Variants in KCNC4 observed in about 807,000 individuals in gnomAD.
KCNC4 encodes potassium voltage-gated channel subfamily C member 4.
Under a neutral mutation model 42.8 loss-of-function variants are expected in KCNC4, and 23 were observed. That is an observed-to-expected ratio of 0.54 (90% CI 0.39 to 0.76). The LOEUF (loss-of-function observed/expected upper bound fraction) is 0.76, where lower values mean the gene tolerates loss of function less well. KCNC4 is among the 30% of genes least tolerant of loss of function. The pLI is 0.00. For synonymous variants in KCNC4, 422 were observed against 393.5 expected, an observed-to-expected ratio of 1.07 and a Z score of -0.86; for missense variants, 751 against 898.2, an observed-to-expected ratio of 0.84 and a Z score of 2.10.
downstream of KCNC4, chr1:110,237,684 A>T (rs1329127988): frequency 1.3e-5 from 2 of 152,260 alleles, no homozygotes. Context: ...AGGCAGGTCC[A>T]GAACACAGGT....
chr1:110,262,085 A>C (rs913716278), intron 1 of KCNC4, among the ~76,000 whole-genome samples: 1 of 152,246 alleles, frequency 6.6e-6, no homozygotes, highest in Non-Finnish European at 1.5e-5. Context: ...ATTGGAAACA[A>C]AATTTTCTAC....
In KCNC4 at chr1:110,223,526, G is replaced by A; in HGVS notation, c.1241G>A (p.Gly414Asp). 3 of 1,613,954 alleles carry A rather than the reference G, an allele frequency of 1.9e-6. No homozygotes were observed. Among genetic ancestry groups the A allele is most frequent in the Non-Finnish European group, 2.5e-6 (3 of 1,180,046 alleles). The change falls in exon 2 of 4, where the codon GGT becomes GAT. Residue 414 changes from glycine (G) to aspartate (D), a missense_variant. Coordinates refer to ENST00000438661, the MANE Select transcript of KCNC4 (RefSeq NM_001039574.3). This position sits in a 1 kb window ranked among gnomAD's most constrained non-coding sequence, Gnocchi z 7.5. The stretch of plus-strand genomic sequence containing the variant: ...GGGGCCAGGCCCTCCGACCCTCGGG[G>A]TAATGACCACACCGACTTCAAGAAC... ...RIGARPSDPRGNDHTDFKNIP... is the reference protein window; with the variant it reads ...RIGARPSDPRDNDHTDFKNIP...
At chr1:110,213,873 A>G (rs1438943201) in intron 1 of KCNC4, among the ~76,000 whole-genome samples, 2 of 152,130 alleles carry the variant, frequency 1.3e-5, no homozygotes, top group African/African-American at 2.4e-5. Flanking sequence ...GAGGAGAGAT[A>G]GAGATAGAGA....
chr1:110,212,132 C>T lies in KCNC4; in HGVS notation c.633C>T (p.Arg211=). The T allele has an allele frequency of 6.6e-7, 1 of 1,506,054 alleles. No homozygotes were observed. The highest frequency in any genetic ancestry group is 1.3e-5 in the South Asian group (1 of 77,198). The allele number at this position is 1,506,054 out of a possible 1,614,324, so 93.3% of individuals were successfully genotyped here. A position where few individuals can be genotyped will look rare whatever the true frequency, so the allele number is the denominator to read the frequency against. The part of the protein sequence containing the change: ...GSGGCRGWQP[R]MWALFEDPYS... ...GGGGCTGCCGCGGCTGGCAGCCCCGCATGTGGGCGCTCTTCGAGGATCCCT... is the reference window on the plus strand; with the variant it reads ...GGGGCTGCCGCGGCTGGCAGCCCCGTATGTGGGCGCTCTTCGAGGATCCCT... Residue 211 remains arginine (R), a synonymous_variant, in exon 1 of 4, where the codon CGC becomes CGT. Coordinates refer to ENST00000438661, the MANE Select transcript of KCNC4 (RefSeq NM_001039574.3).
At chr1:110,279,871 T>C (rs1348466417) in intron 1 of KCNC4, among the ~76,000 whole-genome samples, 1 of 143,808 alleles carries the variant, frequency 7.0e-6, no homozygotes, top group Non-Finnish European at 1.5e-5. Context: ...CGATCTCAGC[T>C]CGCTGCAACC....
intron 3 of KCNC4, 176 bp from the exon 4 acceptor site, chr1:110,232,735 C>G: frequency 6.6e-7 from 1 of 1,525,144 alleles, no homozygotes; most frequent in Non-Finnish European, 8.8e-7. Flanking sequence ...TCCAGCTCTG[C>G]TCCTGGTCTA....
chr1:110,211,455 T>A lies in KCNC4; in HGVS notation c.-45T>A, dbSNP rs762669016. 6.4e-7 allele frequency: 1 copy of A among 1,568,146 alleles called. No homozygotes were observed. Among genetic ancestry groups the A allele is most frequent in the South Asian group, 1.2e-5 (1 of 84,986 alleles). ...ACGCTGCCTCCTCGGGAAGGGTGTT[T>A]GGAGGGCAGCGGCCGCCCCAAGCCG... On this transcript the variant is annotated 5_prime_UTR_variant, in exon 1 of 4. Coordinates refer to ENST00000438661, the MANE Select transcript of KCNC4 (RefSeq NM_001039574.3). The surrounding 1 kb of genome is among the most constrained non-coding windows in gnomAD (Gnocchi z 6.5).
At chr1:110,256,892 G>C (rs1659342621) in intron 1 of KCNC4, 1 of 155,870 alleles carries the variant, frequency 6.4e-6, no homozygotes, top group South Asian at 1.8e-4. Flanking sequence ...ATCAGTGTTG[G>C]ATACCAGGTC....
rs764851791 is a variant in KCNC4, at chr1:110,223,099, C to G, written c.814C>G (p.Arg272Gly). Residue 272 changes from arginine to glycine, a missense_variant, in exon 2 of 4, where the codon CGG (arginine) becomes GGG (glycine). Around this residue, in one of 4 missense-constraint regions of KCNC4, gnomAD observed 181 missense variants for 167.3 expected, o/e 1.08. Coordinates refer to ENST00000438661, the MANE Select transcript of KCNC4 (RefSeq NM_001039574.3). This position sits in a 1 kb window ranked among gnomAD's most constrained non-coding sequence, Gnocchi z 7.5. ...RVGNITSVHFRREVETEPILT... is the reference protein window; with the variant it reads ...RVGNITSVHFGREVETEPILT... ...AGGGAACATCACCAGCGTGCACTTC[C>G]GGCGGGAGGTAGAGACAGAGCCCAT... is the stretch of plus-strand genomic sequence containing the variant. 6.2e-7 allele frequency: 1 copy of G among 1,614,168 alleles called. No homozygotes were observed. Among genetic ancestry groups the G allele is most frequent in the Admixed American group, 1.7e-5 (1 of 60,022 alleles).
chr1:110,216,920 A>G (rs1657823338), intron 1 of KCNC4, among the ~76,000 whole-genome samples: 1 of 152,182 alleles, frequency 6.6e-6, no homozygotes. Context: ...TACTGGGCAT[A>G]TACCCTTGTC....
At chr1:110,248,561 T>C (rs1659196897) in exon 4 of KCNC4, 1 of 152,168 alleles carries the variant, frequency 6.6e-6, no homozygotes. Context: ...TTTTAAAAAA[T>C]TATTTTGGCG....
At chr1:110,283,601 T>TA (rs1659865003), downstream of KCNC4, among the ~76,000 whole-genome samples, 1 of 152,198 alleles carries the variant, frequency 6.6e-6, no homozygotes, top group African/African-American at 2.4e-5. Flanking sequence ...TCAGTTGCCC[T>TA]AGGCTTCCTT....
chr1:110,252,630 G>A (rs889781925), downstream of KCNC4, among the ~76,000 whole-genome samples: 3 of 152,114 alleles, frequency 2.0e-5, no homozygotes, highest in South Asian at 2.1e-4. Context: ...CCTGCCTCCC[G>A]AGAATGGCTC....
At position 110,223,862 on chromosome 1, in the gene KCNC4, C is replaced by G. The variant is rs150643950; in HGVS notation, c.1577C>G (p.Pro526Arg). Residue 526 changes from proline to arginine, a missense_variant, in exon 2 of 4, where the codon CCT (proline) becomes CGT (arginine). This residue lies in a region of KCNC4 where 202 missense variants were observed against 181.5 expected (regional missense o/e 1.11). Coordinates refer to ENST00000438661, the MANE Select transcript of KCNC4 (RefSeq NM_001039574.3). The surrounding 1 kb of genome is among the most constrained non-coding windows in gnomAD (Gnocchi z 7.5). ...RDSTCSDTSP[P>R]AREEGMIERK... ...AGCACCTGCAGTGATACCAGCCCCC[C>G]TGCCCGGGAAGAGGGTATGATCGAG... 1.2e-6 allele frequency: 2 copies of G among 1,604,626 alleles called. No individual in the cohort carries two copies. The highest frequency in any genetic ancestry group is 1.7e-6 in the Non-Finnish European group (2 of 1,173,774).
chr1:110,224,069 T>C (rs1209968633), intron 2 of KCNC4, 169 bp downstream of exon 2: 1 of 614,878 alleles, frequency 1.6e-6, no homozygotes, highest in Non-Finnish European at 2.9e-6. Context: ...CTCTGTCCTC[T>C]GGCTGGGTCT....
intron 1 of KCNC4, among the ~76,000 whole-genome samples, chr1:110,268,623 A>AAG (rs1553218078): frequency 2.7e-5 from 4 of 148,812 alleles, no homozygotes; most frequent in South Asian, 2.1e-4. Flanking sequence ...AAAAAAAAAA[A>AAG]AAAAGAAAAG....
At chr1:110,222,749 T>C (rs1658167475) in intron 1 of KCNC4, 1 of 558,516 alleles carries the variant, frequency 1.8e-6, no homozygotes, top group Non-Finnish European at 3.2e-6. Flanking sequence ...CTTCTATCTT[T>C]TGTGACAAAG....
chr1:110,218,359 C>T (rs150152071), intron 1 of KCNC4, among the ~76,000 whole-genome samples: 3 of 152,236 alleles, frequency 2.0e-5, no homozygotes, highest in East Asian at 1.9e-4. Flanking sequence ...CCTTCTGCCT[C>T]GAACTCTCCG....
intron 1 of KCNC4, among the ~76,000 whole-genome samples, chr1:110,263,200 C>G (rs558077015): frequency 2.2e-4 from 34 of 152,268 alleles, no homozygotes; most frequent in African/African-American, 7.7e-4. Flanking sequence ...CTATCCTGAG[C>G]CCAGGAAACT....
Sources: gnomAD v4.1 joint callset for allele counts (sites outside exome capture counted in the v4.1 genomes callset) on GRCh38, gnomAD v4.1.1 for gene constraint, gnomAD v4.1.1 regional missense constraint, Gnocchi (gnomAD v3.1) non-coding constraint, MANE v1.5 for transcripts, NCBI Gene and HGNC (gene_info 2026-07-23, HGNC 2026-07-21) for gene names.